Variants in FRZB observed in about 807,000 individuals in gnomAD.
FRZB encodes secreted frizzled-related protein 3.
Under a neutral mutation model 32.5 loss-of-function variants are expected in FRZB, and 34 were observed. The observed-to-expected ratio is 1.05, with a 90% CI of 0.80 to 1.39. The LOEUF (loss-of-function observed/expected upper bound fraction) is 1.39, where lower values mean the gene tolerates loss of function less well. Among genes scored for constraint, FRZB ranks in the 40% most tolerant of loss-of-function variants. The probability of loss-of-function intolerance (pLI) is 0.00; values close to 1 mark genes in which losing one functional copy is unlikely to be tolerated. For synonymous variants in FRZB, 170 were observed against 159.2 expected (o/e 1.07, Z -0.51); for missense variants, 423 against 424.8 (o/e 1.00, Z 0.04).
intron 2 of FRZB, among the ~76,000 whole-genome samples, chr2:182,854,562 A>T (rs1029599709): frequency 6.6e-6 from 1 of 152,176 alleles, no homozygotes; most frequent in African/African-American, 2.4e-5. Flanking sequence ...AGTGGAAAGG[A>T]TCTCTAACAT....
intron 2 of FRZB, among the ~76,000 whole-genome samples, chr2:182,843,734 C>T (rs1044250224): frequency 1.3e-5 from 2 of 152,144 alleles, no homozygotes; most frequent in African/African-American, 4.8e-5. Flanking sequence ...GAGTTCAAGA[C>T]CAGTCTGGGC....
intron 2 of FRZB, 109 bp downstream of exon 2, chr2:182,858,677 C>T (rs1695797595): frequency 1.4e-6 from 1 of 710,512 alleles, no homozygotes; most frequent in Non-Finnish European, 2.3e-6. Flanking sequence ...AAAAAGTTTA[C>T]TTGTAAAATG....
intron 3 of FRZB, among the ~76,000 whole-genome samples, chr2:182,841,965 T>G (rs1385773943): frequency 6.6e-6 from 1 of 152,222 alleles, no homozygotes; most frequent in Non-Finnish European, 1.5e-5. Context: ...TAAGTCAAGC[T>G]AGATAACAAC....
At chr2:182,863,318 C>G (rs1695855444) in intron 1 of FRZB, among the ~76,000 whole-genome samples, 1 of 152,202 alleles carries the variant, frequency 6.6e-6, no homozygotes, top group African/African-American at 2.4e-5. Context: ...TTCAGATAAT[C>G]AGTTGTACAT....
chr2:182,865,482 A>C (rs746145635), intron 1 of FRZB, among the ~76,000 whole-genome samples: 1 of 152,222 alleles, frequency 6.6e-6, no homozygotes, highest in African/African-American at 2.4e-5. Context: ...TTTAAGGTGA[A>C]GGTAATTGCT....
intron 1 of FRZB, among the ~76,000 whole-genome samples, chr2:182,862,774 T>C (rs956411945): frequency 7.0e-4 from 12 of 17,238 alleles, no homozygotes; most frequent in African/African-American, 3.4e-3. Context: ...TTTTCTTTTC[T>C]TTTTTTTTTT....
chr2:182,843,404 T>G (rs1028372523), intron 2 of FRZB, among the ~76,000 whole-genome samples: 20 of 152,058 alleles, frequency 1.3e-4, no homozygotes, highest in Non-Finnish European at 1.8e-4. Context: ...GAAATATACA[T>G]CATAAGCATG....
At position 182,866,428 on chromosome 2, in the gene FRZB, A is replaced by G. The variant is rs138404726; in HGVS notation, c.125T>C (p.Leu42Pro). The G allele has an allele frequency of 1.3e-6, 2 of 1,599,234 alleles. No individual in the cohort carries two copies. Among genetic ancestry groups the G allele is most frequent in the African/African-American group, 2.7e-5 (2 of 74,710 alleles). The change falls in exon 1 of 6, where the codon CTG (leucine) becomes CCG (proline). Residue 42 changes from leucine to proline, a missense_variant. Physicochemically the swap from Leu to Pro is moderately conservative, Grantham distance 98. Transcript: ENST00000295113. The surrounding 1 kb of genome is among the most constrained non-coding windows in gnomAD (Gnocchi z 4.5). ...AAACEPVRIP[L>P]CKSLPWNMTK... ...CATGTTCCAGGGCAGGGACTTGCAC[A>G]GGGGGATGCGGACGGGCTCACAGGC...
At position 182,850,329 on chromosome 2, in the gene FRZB, A is replaced by C. The variant is rs971536456; in HGVS notation, c.527-7786T>G. On this transcript the variant is annotated intron_variant, in intron 2 of 5. Coordinates refer to ENST00000295113, the MANE Select transcript of FRZB (RefSeq NM_001463.4). Reference sequence around the variant, plus strand: ...CAAACACTAGGTCTTCCTCCTAACTAACTGTATATTTGTCCTCATTAATCA... The same window carrying C: ...CAAACACTAGGTCTTCCTCCTAACTCACTGTATATTTGTCCTCATTAATCA... Among the ~76,000 whole-genome samples the C allele has an allele frequency of 3.2e-4, 49 of 152,156 alleles. 1 individual carries two copies. The highest frequency in any genetic ancestry group is 1.8e-3 in the Admixed American group (27 of 15,272).
At chr2:182,860,864 CAAAAAAAAAA>C (rs796422085) in intron 1 of FRZB, among the ~76,000 whole-genome samples, 4 of 69,156 alleles carry the variant, frequency 5.8e-5, no homozygotes, top group South Asian at 5.5e-4. Flanking sequence ...GAGACTGTCT[CAAAAAAAAAA>C]AAAAAAAAAG....
intron 2 of FRZB, 84 bp downstream of exon 2, chr2:182,858,702 C>T: frequency 1.1e-6 from 1 of 929,010 alleles, no homozygotes; most frequent in Non-Finnish European, 1.7e-6. Flanking sequence ...GCACAAGCTT[C>T]CCCATGAATG....
intron 2 of FRZB, among the ~76,000 whole-genome samples, chr2:182,845,847 T>C (rs1476175688): frequency 2.0e-5 from 3 of 152,218 alleles, no homozygotes; most frequent in African/African-American, 7.2e-5. Context: ...ATCTCCTACA[T>C]ATCTGCTAAT....
In FRZB at chr2:182,846,709, T is replaced by C. The variant is rs1370773; in HGVS notation, c.527-4166A>G. Reference sequence around the variant, plus strand: ...GCAAAGCACAACACATTTTAAAAGATATAAAAAATAAAATTTTATAATTTG... The same window carrying C: ...GCAAAGCACAACACATTTTAAAAGACATAAAAAATAAAATTTTATAATTTG... On this transcript the variant is annotated intron_variant, in intron 2 of 5. Transcript: ENST00000295113. Among the ~76,000 whole-genome samples, 520 of 152,298 alleles carry C rather than the reference T, an allele frequency of 3.4e-3. 8 individuals are homozygous for C. Among genetic ancestry groups the C allele is most frequent in the African/African-American group, 0.012 (500 of 41,574 alleles).
At chr2:182,863,410 A>G (rs1695856289) in intron 1 of FRZB, among the ~76,000 whole-genome samples, 1 of 152,250 alleles carries the variant, frequency 6.6e-6, no homozygotes, top group Non-Finnish European at 1.5e-5. Flanking sequence ...TTTCAAAAAT[A>G]TGATTACCCT....
Position 182,866,628 on chromosome 2 carries a change from C to G in FRZB, c.-76G>C. On this transcript the variant is annotated 5_prime_UTR_variant, in exon 1 of 6. Coordinates refer to ENST00000295113, the MANE Select transcript of FRZB (RefSeq NM_001463.4). The surrounding 1 kb of genome is among the most constrained non-coding windows in gnomAD (Gnocchi z 4.5). ...CCCGCTCCGCCGTCTCCGCCTCCCCCGCTGCAAGTGGACACAAGGATCTGG... is the reference window on the plus strand; with the variant it reads ...CCCGCTCCGCCGTCTCCGCCTCCCCGGCTGCAAGTGGACACAAGGATCTGG... 1.9e-6 allele frequency: 2 copies of G among 1,058,518 alleles called. No individual in the cohort carries two copies. Among genetic ancestry groups the G allele is most frequent in the South Asian group, 3.9e-5 (2 of 51,936 alleles). The allele number at this position is 1,058,518 out of a possible 1,614,324, so 65.6% of individuals were successfully genotyped here.
chr2:182,849,047 G>A (rs908484587), intron 2 of FRZB, among the ~76,000 whole-genome samples: 21 of 152,170 alleles, frequency 1.4e-4, no homozygotes, highest in South Asian at 2.1e-4. Flanking sequence ...CTAACACGGT[G>A]AAACCCCGTC....
intron 5 of FRZB, among the ~76,000 whole-genome samples, chr2:182,836,846 T>C (rs1236917568): frequency 6.6e-6 from 1 of 152,052 alleles, no homozygotes; most frequent in Non-Finnish European, 1.5e-5. Flanking sequence ...CATCTCCCTT[T>C]TGACAAATCT....
chr2:182,838,488 T>C lies in FRZB; in HGVS notation c.718A>G (p.Ser240Gly). 1.2e-6 allele frequency: 2 copies of C among 1,613,014 alleles called. No homozygotes were observed. The highest frequency in any genetic ancestry group is 1.7e-6 in the Non-Finnish European group (2 of 1,179,296). ...AGTGGAGGGCAGAGGCAGCCAGAGC[T>C]GGTATAGAGGTTGACAGTGTCCCGT... ...IPRDTVNLYTSSGCLCPPLNV... is the reference protein window; with the variant it reads ...IPRDTVNLYTGSGCLCPPLNV... Residue 240 changes from serine (S) to glycine (G), a missense_variant, in exon 4 of 6, where the codon AGC (serine) becomes GGC (glycine). Ser to Gly is a moderately conservative substitution (Grantham distance 56). Coordinates refer to ENST00000295113, the MANE Select transcript of FRZB (RefSeq NM_001463.4).
At chr2:182,845,697 C>A (rs544413887) in intron 2 of FRZB, among the ~76,000 whole-genome samples, 4 of 152,144 alleles carry the variant, frequency 2.6e-5, no homozygotes, top group Non-Finnish European at 4.4e-5. Context: ...AATACAATAC[C>A]TTCAATTGTG....
Sources: gnomAD v4.1 joint callset for allele counts (sites outside exome capture counted in the v4.1 genomes callset) on GRCh38, gnomAD v4.1.1 for gene constraint, Gnocchi (gnomAD v3.1) non-coding constraint, MANE v1.5 for transcripts, NCBI Gene and HGNC (gene_info 2026-07-23, HGNC 2026-07-21) for gene names.